The following FASTKD2 variants were observed in gnomAD, a reference collection of about 807,000 sequenced individuals.
The protein encoded by FASTKD2 is FAST kinase domain-containing protein 2, mitochondrial.
FASTKD2 carries 51 observed loss-of-function variants against 63.6 expected under a neutral mutation model. The observed-to-expected ratio is 0.80, with a 90% confidence interval of 0.64 to 1.01. FASTKD2 has a LOEUF of 1.01. Ranked by LOEUF, FASTKD2 falls within the 50% of genes least tolerant of loss-of-function variation. The pLI, the probability that FASTKD2 is intolerant of heterozygous loss-of-function variation, is 0.00. For synonymous variants in FASTKD2, 284 were observed against 293.4 expected (o/e 0.97, Z 0.33); for missense variants, 786 against 831.1 (o/e 0.95, Z 0.67).
rs1690360645 is a variant in FASTKD2, at chr2:206,793,726, G to GTT, written c.*1925_*1926dup. ...GGGTAGTAATTTTCAGTTTGTACTA[G>GTT]TTAACCTGGCAGATAAAAAGGCATC... On this transcript the variant is annotated 3_prime_UTR_variant, in exon 12 of 12. Coordinates refer to ENST00000402774, the MANE Select transcript of FASTKD2 (RefSeq NM_001136193.2). 6.6e-6 allele frequency among the ~76,000 whole-genome samples: 1 copy of GTT among 152,158 alleles called. No individual in the cohort carries two copies. Among genetic ancestry groups the GTT allele is most frequent in the Non-Finnish European group, 1.5e-5 (1 of 68,028 alleles).
chr2:206,784,426 C>A (rs1463089195), intron 7 of FASTKD2, among the ~76,000 whole-genome samples: 1 of 152,238 alleles, frequency 6.6e-6, no homozygotes, highest in Non-Finnish European at 1.5e-5. Flanking sequence ...TGTATACCCA[C>A]ATGCTATACA....
rs1451312384 is a variant in FASTKD2, at chr2:206,793,725, A to G, written c.*1923A>G. 6.6e-6 allele frequency among the ~76,000 whole-genome samples: 1 copy of G among 152,192 alleles called. No homozygotes were observed. The highest frequency in any genetic ancestry group is 1.5e-5 in the Non-Finnish European group (1 of 68,036). ...AGGGTAGTAATTTTCAGTTTGTACTAGTTAACCTGGCAGATAAAAAGGCAT... is the reference window on the plus strand; with the variant it reads ...AGGGTAGTAATTTTCAGTTTGTACTGGTTAACCTGGCAGATAAAAAGGCAT... On this transcript the variant is annotated 3_prime_UTR_variant, in exon 12 of 12. Transcript: ENST00000402774.
intron 7 of FASTKD2, among the ~76,000 whole-genome samples, chr2:206,781,637 A>T (rs1160533712): frequency 1.3e-5 from 2 of 149,710 alleles, no homozygotes; most frequent in Non-Finnish European, 3.0e-5. Context: ...ATGGATTTCT[A>T]AGTAGAGGGA....
intron 11 of FASTKD2, 96 bp downstream of exon 11, chr2:206,790,782 G>T: frequency 1.3e-6 from 1 of 796,430 alleles, no homozygotes; most frequent in South Asian, 1.3e-5. Context: ...ACTAGGACTA[G>T]AGGAATTGTC....
chr2:206,774,383 A>C lies in FASTKD2; in HGVS notation c.1413A>C (p.Lys471Asn). 1 of 1,597,666 alleles carries C rather than the reference A, an allele frequency of 6.3e-7. No individual in the cohort carries two copies. The highest frequency in any genetic ancestry group is 1.1e-5 in the South Asian group (1 of 89,898). Reference protein sequence around the residue: ...HTYSSLNHVYKCQNKEQFVEV... With the variant: ...HTYSSLNHVYNCQNKEQFVEV... ...ACTCTTCTCTCAATCATGTCTACAAATGCCAGAACAAAGAGTATGTACTTG... is the reference window on the plus strand; with the variant it reads ...ACTCTTCTCTCAATCATGTCTACAACTGCCAGAACAAAGAGTATGTACTTG... The change falls in exon 7 of 12, where the codon AAA becomes AAC. Residue 471 changes from lysine to asparagine, a missense_variant. Transcript: ENST00000402774.
At chr2:206,782,158 GC>G (rs1690003951) in intron 7 of FASTKD2, among the ~76,000 whole-genome samples, 1 of 152,192 alleles carries the variant, frequency 6.6e-6, no homozygotes, top group African/African-American at 2.4e-5. Context: ...ACAGTGAAAA[GC>G]CGGATGTTGG....
chr2:206,766,517 A>C (rs938324865), intron 1 of FASTKD2, 127 bp from the exon 2 acceptor site: 34 of 614,154 alleles, frequency 5.5e-5, no homozygotes, highest in Non-Finnish European at 8.3e-5. Flanking sequence ...AAAAACTTTT[A>C]CTGTTTTATG....
rs76940021 is a variant in FASTKD2 at position 206,785,848 on chromosome 2, G to T, written c.1428-885G>T. ...TGATTTCAGTCTCATTGTTAACAAGGGCTTGTGTCCAGGCATATTTGCCCC... is the reference window on the plus strand; with the variant it reads ...TGATTTCAGTCTCATTGTTAACAAGTGCTTGTGTCCAGGCATATTTGCCCC... On this transcript the variant is annotated intron_variant, in intron 7 of 11. Transcript: ENST00000402774. Among the ~76,000 whole-genome samples, 892 of 152,168 alleles carry T rather than the reference G, an allele frequency of 5.9e-3. 10 individuals carry two copies. Among genetic ancestry groups the T allele is most frequent in the African/African-American group, 0.021 (861 of 41,512 alleles).
chr2:206,771,353 C>T, intron 4 of FASTKD2, 63 bp downstream of exon 4: 1 of 976,448 alleles, frequency 1.0e-6, no homozygotes, highest in South Asian at 1.3e-5. Flanking sequence ...AACCTGCTAT[C>T]ACTGCCTGAA....
chr2:206,766,509 A>G (rs2105969179), intron 1 of FASTKD2, 135 bp from the exon 2 acceptor site: 1 of 596,174 alleles, frequency 1.7e-6, no homozygotes, highest in East Asian at 2.9e-5. Context: ...TTGGTAAAAA[A>G]AACTTTTACT....
chr2:206,774,692 ATTT>A (rs1689776514), intron 7 of FASTKD2, among the ~76,000 whole-genome samples: 1 of 152,078 alleles, frequency 6.6e-6, no homozygotes, highest in African/African-American at 2.4e-5. Context: ...TTCATAGTTT[ATTT>A]TAACTGTATT....
chr2:206,788,904 G>C lies in FASTKD2; in HGVS notation c.1898+1G>C. On this transcript the variant is annotated splice_donor_variant, in intron 10 of 11. Transcript: ENST00000402774. LOFTEE classifies it high-confidence loss of function. The stretch of plus-strand genomic sequence containing the variant: ...CAACTTCTGCTACAGATATTCAAAG[G>C]TTGCTTACATATATTTCATTTGCTG... 1 of 1,492,486 alleles carries C rather than the reference G, an allele frequency of 6.7e-7. No homozygotes were observed. Among genetic ancestry groups the C allele is most frequent in the Non-Finnish European group, 9.3e-7 (1 of 1,069,920 alleles). The allele number at this position is 1,492,486 out of a possible 1,614,324, so 92.5% of individuals were successfully genotyped here.
chr2:206,775,197 A>C (rs996363277), intron 7 of FASTKD2, among the ~76,000 whole-genome samples: 1 of 152,018 alleles, frequency 6.6e-6, no homozygotes, highest in African/African-American at 2.4e-5. Flanking sequence ...ACAATGCTGC[A>C]CTTAACATGG....
Position 206,786,874 on chromosome 2 carries a change from C to T in FASTKD2, c.1569C>T (p.Asp523=). ...CTTTTAATCAGCTTCTGCAAAAAGA[C>T]ATCATCAGTGAGCTGCTGACATCAG... ...LAPFNQLLQK[D]IISELLTSDD... The change falls in exon 8 of 12, where the codon GAC becomes GAT. Residue 523 remains aspartate, a synonymous_variant. Transcript: ENST00000402774. 6.3e-7 allele frequency: 1 copy of T among 1,586,972 alleles called. No homozygotes were observed.
At chr2:206,787,225 T>A (rs1690160744) in intron 8 of FASTKD2, among the ~76,000 whole-genome samples, 1 of 152,216 alleles carries the variant, frequency 6.6e-6, no homozygotes, top group Non-Finnish European at 1.5e-5. Flanking sequence ...CTGTTTTAAT[T>A]CCTAATCCTT....
At position 206,765,637 on chromosome 2, in the gene FASTKD2, A is replaced by G; in HGVS notation, c.-161A>G. 3 of 670,626 alleles carry G rather than the reference A, an allele frequency of 4.5e-6. No homozygotes were observed. Among genetic ancestry groups the G allele is most frequent in the Non-Finnish European group, 5.7e-6 (3 of 529,368 alleles). The allele number at this position is 670,626 out of a possible 1,614,324, so 41.5% of individuals were successfully genotyped here. On this transcript the variant is annotated 5_prime_UTR_variant, in exon 1 of 12. Transcript: ENST00000402774. The stretch of plus-strand genomic sequence containing the variant: ...GTCATGGCTGCTCCTGTACGTAGTC[A>G]CGGTCTTGTGCTCTAAGGTGAGTGG...
chr2:206,770,804 T>C (rs973622755), intron 3 of FASTKD2, among the ~76,000 whole-genome samples: 3 of 152,050 alleles, frequency 2.0e-5, no homozygotes, highest in African/African-American at 7.2e-5. Context: ...AGAATAGTTA[T>C]TCGGGGACTA....
Position 206,791,994 on chromosome 2 carries a change from A to G in FASTKD2, c.*192A>G, listed in dbSNP as rs1183910404. 4 of 598,178 alleles carry G rather than the reference A, an allele frequency of 6.7e-6. No homozygotes were observed. Among genetic ancestry groups the G allele is most frequent in the African/African-American group, 5.6e-5 (3 of 53,758 alleles). The allele number at this position is 598,178 out of a possible 1,614,324, so 37.1% of individuals were successfully genotyped here. On this transcript the variant is annotated 3_prime_UTR_variant, in exon 12 of 12. Coordinates refer to ENST00000402774, the MANE Select transcript of FASTKD2 (RefSeq NM_001136193.2). Reference sequence around the variant, plus strand: ...TAAAAATATGCTGAGAAAATTCCAGAAGGGTTATTTTTCCAACCACACCTA... The same window carrying G: ...TAAAAATATGCTGAGAAAATTCCAGGAGGGTTATTTTTCCAACCACACCTA...
chr2:206,790,760 T>C, intron 11 of FASTKD2, 74 bp downstream of exon 11: 1 of 875,266 alleles, frequency 1.1e-6, no homozygotes, highest in South Asian at 1.3e-5. Flanking sequence ...AATCTTGTGG[T>C]TGAGACTGGT....
Sources: allele counts gnomAD v4.1 joint callset (sites outside exome capture counted in the v4.1 genomes callset), GRCh38; gene constraint gnomAD v4.1.1; transcripts MANE v1.5; gene names NCBI Gene and HGNC (gene_info 2026-07-23, HGNC 2026-07-21).